ALK: variants seen among roughly 807,000 people sequenced by gnomAD.
ALK encodes the protein ALK receptor tyrosine kinase.
In ALK, 74 loss-of-function variants were observed where a neutral mutation model predicts 163.1. The ratio of observed to expected loss-of-function variants is 0.45; its 90% CI spans 0.38 to 0.55. The LOEUF (loss-of-function observed/expected upper bound fraction) is 0.55. Ranked by LOEUF, ALK falls within the 20% of genes least tolerant of loss-of-function variation. The probability of loss-of-function intolerance (pLI) is 0.00; values close to 1 mark genes in which losing one functional copy is unlikely to be tolerated. For missense variants in ALK, 2,063 were observed against 2,105.3 expected (o/e 0.98, Z 0.39); for synonymous variants, 960 against 843.2 (o/e 1.14, Z -2.40).
At chr2:29,484,740 CTT>C (rs1174588626) in intron 4 of ALK, among the ~76,000 whole-genome samples, 11 of 152,140 alleles carry the variant, frequency 7.2e-5, no homozygotes, top group Non-Finnish European at 1.6e-4. Context: ...TTTAAACTCT[CTT>C]AGTCCTGATA....
At chr2:29,430,997 T>A (rs1670259256) in intron 4 of ALK, among the ~76,000 whole-genome samples, 1 of 131,682 alleles carries the variant, frequency 7.6e-6, no homozygotes, top group East Asian at 2.1e-4. Flanking sequence ...AAGGCGAGGC[T>A]TTTTTTTTTT....
At chr2:29,866,634 T>C (rs114038359) in intron 1 of ALK, among the ~76,000 whole-genome samples, 2,214 of 152,356 alleles carry the variant, frequency 0.015, 31 homozygotes, top group Non-Finnish European at 0.019. Flanking sequence ...CTCTGTGATA[T>C]GCAGATTTAC....
intron 3 of ALK, among the ~76,000 whole-genome samples, chr2:29,630,926 C>T (rs991955706): frequency 3.9e-5 from 6 of 152,092 alleles, no homozygotes; most frequent in African/African-American, 7.2e-5. Flanking sequence ...TATTTAGCTG[C>T]GATTTGTATA....
At chr2:29,838,658 C>A (rs1665625970) in intron 1 of ALK, among the ~76,000 whole-genome samples, 1 of 152,198 alleles carries the variant, frequency 6.6e-6, no homozygotes, top group South Asian at 2.1e-4. Flanking sequence ...GTGGAAGAAG[C>A]CAGACATGCA....
intron 5 of ALK, among the ~76,000 whole-genome samples, chr2:29,346,752 T>G (rs545422508): frequency 8.4e-4 from 128 of 152,374 alleles, no homozygotes; most frequent in African/African-American, 2.9e-3. Flanking sequence ...AAACTGTAGA[T>G]TATTCACTGC....
At chr2:29,367,744 TG>T (rs1171466883) in intron 5 of ALK, among the ~76,000 whole-genome samples, 1 of 152,206 alleles carries the variant, frequency 6.6e-6, no homozygotes, top group Admixed American at 6.5e-5. Context: ...TTATTATTAT[TG>T]TTATTATTGT....
intron 3 of ALK, among the ~76,000 whole-genome samples, chr2:29,536,293 C>T (rs1673254550): frequency 6.7e-6 from 1 of 150,070 alleles, no homozygotes; most frequent in Admixed American, 6.6e-5. Context: ...GCTCCATCCC[C>T]TTGGTATATG....
At chr2:29,847,171 A>G (rs2148398351) in intron 1 of ALK, among the ~76,000 whole-genome samples, 1 of 152,262 alleles carries the variant, frequency 6.6e-6, no homozygotes, top group South Asian at 2.1e-4. Context: ...TCCCTCCACG[A>G]TACCTCGGTA....
chr2:29,427,611 TA>T (rs1284601094), intron 4 of ALK, among the ~76,000 whole-genome samples: 1 of 150,634 alleles, frequency 6.6e-6, no homozygotes, highest in Admixed American at 6.6e-5. Flanking sequence ...ATTCACTTAA[TA>T]AAAAAAGAAA....
chr2:29,781,621 G>A lies in ALK; in HGVS notation c.668-63924C>T, dbSNP rs140303177. On this transcript the variant is annotated intron_variant, in intron 1 of 28. Coordinates refer to ENST00000389048, the MANE Select transcript of ALK (RefSeq NM_004304.5). ...AAAATGACACTGCATGCCTATGATG[G>A]GTGATGAACGGTACTGAGGTTTTTC... Among the ~76,000 whole-genome samples, 4 of 152,326 alleles carry A rather than the reference G, an allele frequency of 2.6e-5. No individual in the cohort carries two copies. In the East Asian group the frequency reaches 7.7e-4, roughly 29 times the overall value.
At chr2:29,900,857 G>C (rs927534166) in intron 1 of ALK, among the ~76,000 whole-genome samples, 1 of 152,200 alleles carries the variant, frequency 6.6e-6, no homozygotes, top group Non-Finnish European at 1.5e-5. Context: ...AAATCAAGAA[G>C]GAGTGAGGGA....
At position 29,222,551 on chromosome 2, in the gene ALK, G is replaced by A. The variant is rs769855519; in HGVS notation, c.3416C>T (p.Pro1139Leu). The A allele has an allele frequency of 3.1e-6, 5 of 1,614,086 alleles. No homozygotes were observed. Among genetic ancestry groups the A allele is most frequent in the Non-Finnish European group, 4.2e-6 (5 of 1,180,008 alleles). Residue 1139 changes from proline (P) to leucine (L), a missense_variant, in exon 21 of 29, where the codon CCC becomes CTC. Coordinates refer to ENST00000389048, the MANE Select transcript of ALK (RefSeq NM_004304.5). ...CACTTGCAGGGGGCTTGGGTCGTTG[G>A]GCATTCCGGACACCTGGCCTTCATA... is the stretch of plus-strand genomic sequence containing the variant. ...EVYEGQVSGM[P>L]NDPSPLQVAV...
At chr2:29,222,465 G>A (rs2148168950) in intron 21 of ALK, 52 bp downstream of exon 21, 1 of 1,613,064 alleles carries the variant, frequency 6.2e-7, no homozygotes, top group South Asian at 1.1e-5. Context: ...GAGAACTGCA[G>A]CCTACAGAGT....
At chr2:29,255,468 T>C (rs1189363871) in intron 11 of ALK, among the ~76,000 whole-genome samples, 1 of 152,198 alleles carries the variant, frequency 6.6e-6, no homozygotes, top group Non-Finnish European at 1.5e-5. Flanking sequence ...TTAAAAAGCA[T>C]TCTCAAGAGA....
Position 29,507,901 on chromosome 2 carries a change from C to A in ALK, c.1154+24014G>T, listed in dbSNP as rs550447233. Reference sequence around the variant, plus strand: ...CATAATCAGTTATCTTGGCCCCCAGCGTGGCTCTGCCGGCAGTCAGAGAAT... The same window carrying A: ...CATAATCAGTTATCTTGGCCCCCAGAGTGGCTCTGCCGGCAGTCAGAGAAT... On this transcript the variant is annotated intron_variant, in intron 4 of 28. Transcript: ENST00000389048. Among the ~76,000 whole-genome samples the A allele has an allele frequency of 1.9e-4, 29 of 152,246 alleles. No individual in the cohort carries two copies. The South Asian group carries it at 5.2e-3, about 27-fold the overall frequency.
At chr2:29,506,751 CA>C (rs1672337784) in intron 4 of ALK, among the ~76,000 whole-genome samples, 2 of 99,956 alleles carry the variant, frequency 2.0e-5, no homozygotes, top group Admixed American at 2.0e-4. Flanking sequence ...GTCTCAAAAA[CA>C]AAACAAAAAA....
chr2:29,392,267 CT>C lies in ALK; in HGVS notation c.1155-8409del, dbSNP rs201714817. Among the ~76,000 whole-genome samples the C allele has an allele frequency of 1.2e-3, 179 of 152,250 alleles. 1 individual carries two copies. The East Asian group carries it at 0.024, about 20-fold the overall frequency. On this transcript the variant is annotated intron_variant, in intron 4 of 28. Transcript: ENST00000389048. ...CATTTTATAAGAGAGAAATTTGAGGCTTAGAGAGCTGACACAGCTGGTTCAT... is the reference window on the plus strand; with the variant it reads ...CATTTTATAAGAGAGAAATTTGAGGCTAGAGAGCTGACACAGCTGGTTCAT...
chr2:29,648,895 T>C (rs537570462), intron 3 of ALK, among the ~76,000 whole-genome samples: 1 of 152,170 alleles, frequency 6.6e-6, no homozygotes, highest in Non-Finnish European at 1.5e-5. Context: ...AAAATCTTTA[T>C]TTTAACTTCA....
chr2:29,512,859 C>G (rs1672560814), intron 4 of ALK, among the ~76,000 whole-genome samples: 2 of 151,018 alleles, frequency 1.3e-5, no homozygotes, highest in South Asian at 4.2e-4. Flanking sequence ...CAACAACAGA[C>G]AAACAGAGAG....
Sources: allele counts gnomAD v4.1 joint callset (sites outside exome capture counted in the v4.1 genomes callset), GRCh38; gene constraint gnomAD v4.1.1; transcripts MANE v1.5; gene names NCBI Gene and HGNC (gene_info 2026-07-23, HGNC 2026-07-21).